SPO11: variants seen among roughly 807,000 people sequenced by gnomAD.
SPO11 encodes meiotic recombination protein SPO11.
Under a neutral mutation model 51.6 loss-of-function variants are expected in SPO11, and 49 were observed. The ratio of observed to expected loss-of-function variants is 0.95; its 90% CI spans 0.75 to 1.20. SPO11 has a LOEUF of 1.20. Among genes scored for constraint, SPO11 ranks in the 50% most tolerant of loss-of-function variants. The pLI, the probability that SPO11 is intolerant of heterozygous loss-of-function variation, is 0.00. For missense variants in SPO11, 431 were observed against 473.4 expected (o/e 0.91, Z 0.83); for synonymous variants, 176 against 158.2 (o/e 1.11, Z -0.84).
intron 11 of SPO11, 136 bp downstream of exon 11, chr20:57,340,314 G>T: frequency 1.8e-6 from 1 of 552,812 alleles, no homozygotes; most frequent in Non-Finnish European, 3.2e-6. Flanking sequence ...TTATGATTAT[G>T]TAATTATGAA....
At position 57,329,835 on chromosome 20, in the gene SPO11, G is replaced by T. The variant is rs201339461; in HGVS notation, c.-33G>T. 17 of 1,599,566 alleles carry T rather than the reference G, an allele frequency of 1.1e-5. No homozygotes were observed. Among genetic ancestry groups the T allele is most frequent in the Non-Finnish European group, 1.3e-5 (15 of 1,171,694 alleles). ...CCCCAAGGGCGCAGCCTAGGACAGG[G>T]GCTTCTGGAGCTTCTGGCAGCCGTC... On this transcript the variant is annotated 5_prime_UTR_variant, in exon 1 of 13. Coordinates refer to ENST00000371263, the MANE Select transcript of SPO11 (RefSeq NM_012444.3).
chr20:57,335,491 G>A, intron 7 of SPO11, 36 bp downstream of exon 7: 1 of 1,586,902 alleles, frequency 6.3e-7, no homozygotes, highest in Non-Finnish European at 8.6e-7. Flanking sequence ...TAAACTTTTG[G>A]AATGTTCATT....
Position 57,329,963 on chromosome 20 carries a change from G to A in SPO11, c.96G>A (p.Arg32=). Residue 32 remains arginine, a synonymous_variant, in exon 1 of 13, where the codon AGG becomes AGA. Transcript: ENST00000371263. The part of the protein sequence containing the change: ...SLLAALRRGG[R]EPPTGGSRLA... ...TGGCTGCCCTGAGGAGAGGTGGCAG[G>A]GAGCCCCCAACTGGGGGAAGCCGCC... is the stretch of plus-strand genomic sequence containing the variant. 1.2e-6 allele frequency: 2 copies of A among 1,611,022 alleles called. No individual in the cohort carries two copies. The highest frequency in any genetic ancestry group is 1.7e-6 in the Non-Finnish European group (2 of 1,179,182).
intron 8 of SPO11, among the ~76,000 whole-genome samples, chr20:57,336,121 G>A (rs924927811): frequency 1.3e-5 from 2 of 151,890 alleles, no homozygotes; most frequent in East Asian, 3.9e-4. Flanking sequence ...ACAGGGTCTC[G>A]CTCTGTTGCC....
chr20:57,330,024 A>C (rs1418944618), intron 1 of SPO11, 26 bp downstream of exon 1: 1 of 1,554,888 alleles, frequency 6.4e-7, no homozygotes, highest in Non-Finnish European at 8.7e-7. Context: ...CCGAGGCGCG[A>C]CGCAGCCACT....
rs374455093 is a variant in SPO11, at chr20:57,329,907, G to C, written c.40G>C (p.Asp14His). 3.7e-6 allele frequency: 6 copies of C among 1,613,712 alleles called. No individual in the cohort carries two copies. The African/African-American group carries it at 6.7e-5, about 18-fold the overall frequency. Residue 14 changes from aspartate (D) to histidine (H), a missense_variant, in exon 1 of 13, where the codon GAC becomes CAC. Coordinates refer to ENST00000371263, the MANE Select transcript of SPO11 (RefSeq NM_012444.3). ...TATGGGGCCCGAGGCCTCGTTCTTCGACGTTTTGGACCGACACAGGGAGTC... is the reference window on the plus strand; with the variant it reads ...TATGGGGCCCGAGGCCTCGTTCTTCCACGTTTTGGACCGACACAGGGAGTC... ...APMGPEASFF[D>H]VLDRHRESLL...
intron 11 of SPO11, among the ~76,000 whole-genome samples, chr20:57,340,515 G>A (rs1405529275): frequency 6.6e-6 from 1 of 152,182 alleles, no homozygotes; most frequent in African/African-American, 2.4e-5. Flanking sequence ...TGTAATCCCA[G>A]CACTTTGGGA....
Position 57,343,330 on chromosome 20 carries a change from T to C in SPO11, c.1072-11T>C, listed in dbSNP as rs761592445. On this transcript the variant is annotated splice_polypyrimidine_tract_variant and intron_variant, in intron 12 of 12. Coordinates refer to ENST00000371263, the MANE Select transcript of SPO11 (RefSeq NM_012444.3). ...AACTCTGGTATGAGTACATTTTACT[T>C]TTATTGACAGATGGAAATAATGGCA... is the stretch of plus-strand genomic sequence containing the variant. 1.9e-6 allele frequency: 3 copies of C among 1,605,292 alleles called. No homozygotes were observed. The highest frequency in any genetic ancestry group is 2.5e-6 in the Non-Finnish European group (3 of 1,177,550).
At chr20:57,332,647 C>G (rs753191094) in intron 2 of SPO11, among the ~76,000 whole-genome samples, 3 of 152,144 alleles carry the variant, frequency 2.0e-5, no homozygotes, top group Non-Finnish European at 1.5e-5. Flanking sequence ...TTTTATCTAG[C>G]TTTGAAGCAG....
At chr20:57,334,894 AAG>A (rs767294930) in intron 6 of SPO11, 58 bp downstream of exon 6, 10 of 1,430,422 alleles carry the variant, frequency 7.0e-6, no homozygotes, top group Non-Finnish European at 9.7e-7. Flanking sequence ...TTCAGTTTTG[AAG>A]CATAATTTTA....
intron 9 of SPO11, 125 bp downstream of exon 9, chr20:57,338,500 A>G (rs2066541465): frequency 5.8e-6 from 4 of 687,652 alleles, no homozygotes; most frequent in African/African-American, 1.8e-5. Flanking sequence ...CAGGAGTGCA[A>G]TGGCGCGATC....
chr20:57,331,258 T>C, intron 1 of SPO11, among the ~76,000 whole-genome samples: 1 of 152,248 alleles, frequency 6.6e-6, no homozygotes, highest in South Asian at 2.1e-4. Context: ...CAATTTATTC[T>C]TTCCAGGGTA....
intron 8 of SPO11, among the ~76,000 whole-genome samples, chr20:57,336,617 C>A (rs1282155425): frequency 2.0e-5 from 3 of 152,168 alleles, no homozygotes; most frequent in Non-Finnish European, 4.4e-5. Flanking sequence ...TCCTCACTGC[C>A]TCCATAAACA....
intron 9 of SPO11, 69 bp downstream of exon 9, chr20:57,338,444 CTCT>C (rs1415238213): frequency 1.7e-6 from 2 of 1,201,750 alleles, no homozygotes; most frequent in East Asian, 2.4e-5. Flanking sequence ...TGTTTTCTTC[CTCT>C]TTTTTTTTTT....
rs552186921 is a variant in SPO11 at position 57,331,937 on chromosome 20, A to C, written c.236A>C (p.Glu79Ala). 6.1e-5 allele frequency: 97 copies of C among 1,581,074 alleles called. 1 individual carries two copies. The South Asian group carries it at 1.1e-3, about 18-fold the overall frequency. The change falls in exon 2 of 13, where the codon GAA becomes GCA. Residue 79 changes from glutamate to alanine, a missense_variant. Around this residue, in one of 3 missense-constraint regions of SPO11, gnomAD observed 405 missense variants for 425.9 expected, o/e 0.95. Transcript: ENST00000371263. ...AFTIDNRSSW[E>A]NIKFEDSVGL... ...ACGATAGACAACAGATCAAGCTGGG[A>C]AAACATAAAGTGGGCATTTTGCATT...
intron 2 of SPO11, 127 bp downstream of exon 2, chr20:57,332,073 G>A (rs949538859): frequency 1.9e-6 from 1 of 529,976 alleles, no homozygotes; most frequent in East Asian, 3.2e-5. Flanking sequence ...AAGGATTTAG[G>A]AAGTTTACGA....
intron 5 of SPO11, among the ~76,000 whole-genome samples, chr20:57,334,514 T>C (rs183704511): frequency 5.9e-5 from 9 of 152,352 alleles, no homozygotes; most frequent in Non-Finnish European, 1.0e-4. Context: ...CTTGCATTTT[T>C]CTCACTATAA....
chr20:57,334,040 A>T lies in SPO11; in HGVS notation c.455A>T (p.Asn152Ile). The change falls in exon 5 of 13, where the codon AAT becomes ATT. Residue 152 changes from asparagine to isoleucine, a missense_variant. Around this residue, in one of 3 missense-constraint regions of SPO11, gnomAD observed 405 missense variants for 425.9 expected, o/e 0.95. Transcript: ENST00000371263. ...TTTGGTAACCAGACTGTCGTCGACA[A>T]TATTATCAATGACATTTCTTGCATG... The part of the protein sequence containing the change: ...QLFGNQTVVD[N>I]IINDISCMLK... 6.3e-7 allele frequency: 1 copy of T among 1,592,362 alleles called. No individual in the cohort carries two copies. The highest frequency in any genetic ancestry group is 8.6e-7 in the Non-Finnish European group (1 of 1,167,210).
chr20:57,342,841 G>A lies in SPO11; in HGVS notation c.1071+1G>A. 2 of 1,598,728 alleles carry A rather than the reference G, an allele frequency of 1.3e-6. No homozygotes were observed. Among genetic ancestry groups the A allele is most frequent in the African/African-American group, 1.3e-5 (1 of 74,648 alleles). On this transcript the variant is annotated splice_donor_variant, in intron 12 of 12. Coordinates refer to ENST00000371263, the MANE Select transcript of SPO11 (RefSeq NM_012444.3). LOFTEE classifies it high-confidence loss of function. ...CTGCCAACCATTTTGGAGAAAAGAA[G>A]TATGTTTCCTTTTACAACTCAAGTG...
Sources: allele counts gnomAD v4.1 joint callset (sites outside exome capture counted in the v4.1 genomes callset), GRCh38; gene constraint gnomAD v4.1.1; regional missense constraint gnomAD v4.1.1; transcripts MANE v1.5; gene names NCBI Gene and HGNC (gene_info 2026-07-23, HGNC 2026-07-21).